The following DRC8 variants were observed in gnomAD, a reference collection of about 807,000 sequenced individuals.
DRC8 encodes the protein dynein regulatory complex subunit 8, also known as dynein regulatory complex protein 8.
At chr1:245,020,861 C>T in the DRC8 span, among the ~76,000 whole-genome samples, 1 of 151,520 alleles carries the variant, frequency 6.6e-6, no homozygotes, top group East Asian at 1.9e-4. Context: ...AACTCCTGGC[C>T]TCAGGTGATC....
the DRC8 span, among the ~76,000 whole-genome samples, chr1:244,999,486 C>T: frequency 9.9e-5 from 15 of 152,258 alleles, no homozygotes; most frequent in African/African-American, 3.6e-4. Context: ...CTCCAGGACC[C>T]CTCATCATTA....
the DRC8 span, among the ~76,000 whole-genome samples, chr1:245,042,540 G>A: frequency 8.7e-4 from 132 of 152,310 alleles, no homozygotes; most frequent in Middle Eastern, 3.4e-3. Flanking sequence ...CCGTAAGGGC[G>A]AGGTCTTTAT....
At chr1:245,099,032 G>A in the DRC8 span, among the ~76,000 whole-genome samples, 8 of 152,062 alleles carry the variant, frequency 5.3e-5, no homozygotes, top group Non-Finnish European at 8.8e-5. Context: ...CAGAAACACC[G>A]TTTCATTTTT....
the DRC8 span, among the ~76,000 whole-genome samples, chr1:244,986,781 T>G: frequency 8.7e-5 from 13 of 149,302 alleles, no homozygotes; most frequent in Non-Finnish European, 5.9e-5. Flanking sequence ...GCTTGCACTG[T>G]GGAAGGGTGG....
the DRC8 span, among the ~76,000 whole-genome samples, chr1:244,989,781 T>G: frequency 2.0e-5 from 3 of 152,184 alleles, no homozygotes; most frequent in Non-Finnish European, 4.4e-5. Flanking sequence ...AACAGAAGAT[T>G]TGTATCTTTT....
the DRC8 span, among the ~76,000 whole-genome samples, chr1:245,073,222 G>T: frequency 1.3e-5 from 2 of 152,098 alleles, no homozygotes; most frequent in African/African-American, 4.8e-5. Context: ...TGTAACCTCT[G>T]CCTCCCAGGT....
At chr1:245,057,095 G>A in the DRC8 span, among the ~76,000 whole-genome samples, 1,038 of 152,282 alleles carry the variant, frequency 6.8e-3, 10 homozygotes, top group African/African-American at 0.024. Context: ...GTTACAGCTC[G>A]AAGTTGGCCT....
the DRC8 span, among the ~76,000 whole-genome samples, chr1:245,100,670 A>G: frequency 6.6e-6 from 1 of 151,278 alleles, no homozygotes; most frequent in African/African-American, 2.4e-5. Context: ...AGTCCCAGCT[A>G]CTCAGGGGGC....
the DRC8 span, among the ~76,000 whole-genome samples, chr1:245,019,761 G>A: frequency 6.6e-6 from 1 of 152,010 alleles, no homozygotes; most frequent in Admixed American, 6.6e-5. Flanking sequence ...TGGCCAACAT[G>A]GTGAAACCTC....
chr1:245,069,376 G>A, the DRC8 span, among the ~76,000 whole-genome samples: 10 of 152,242 alleles, frequency 6.6e-5, no homozygotes, highest in Non-Finnish European at 1.2e-4. Flanking sequence ...CATCATAAAG[G>A]TCTCGTCCTC....
the DRC8 span, among the ~76,000 whole-genome samples, chr1:245,034,548 C>T: frequency 3.3e-3 from 452 of 136,826 alleles, 2 homozygotes; most frequent in African/African-American, 0.012. Context: ...TTGCAGTGAG[C>T]CATCATTGTG....
At chr1:245,057,215 A>G in the DRC8 span, among the ~76,000 whole-genome samples, 129 of 152,318 alleles carry the variant, frequency 8.5e-4, no homozygotes, top group Admixed American at 2.0e-3. Flanking sequence ...TTCACTATAT[A>G]TGCGGAAACC....
the DRC8 span, among the ~76,000 whole-genome samples, chr1:245,073,711 A>G: frequency 6.6e-6 from 1 of 152,216 alleles, no homozygotes; most frequent in Non-Finnish European, 1.5e-5. Context: ...ATACATGTAT[A>G]TATAATACAT....
chr1:245,067,383 GTT>G, the DRC8 span, among the ~76,000 whole-genome samples: 1 of 151,986 alleles, frequency 6.6e-6, no homozygotes, highest in Non-Finnish European at 1.5e-5. Flanking sequence ...AAATGTTACA[GTT>G]TTTTTTATAT....
chr1:245,058,062 C>G, the DRC8 span, among the ~76,000 whole-genome samples: 1 of 151,996 alleles, frequency 6.6e-6, no homozygotes, highest in Non-Finnish European at 1.5e-5. Context: ...CTTCAAAACT[C>G]TTGCCTGCAA....
chr1:245,125,021 G>A, the DRC8 span: 2 of 152,146 alleles, frequency 1.3e-5, no homozygotes, highest in Non-Finnish European at 2.9e-5. Flanking sequence ...TGGACCCATC[G>A]TGGTTACCGT....
chr1:245,063,972 C>G, the DRC8 span, among the ~76,000 whole-genome samples: 1 of 152,168 alleles, frequency 6.6e-6, no homozygotes, highest in African/African-American at 2.4e-5. Context: ...ATCCGCCCTC[C>G]TCGGCCTCCC....
At chr1:245,053,599 G>A in the DRC8 span, among the ~76,000 whole-genome samples, 1 of 152,236 alleles carries the variant, frequency 6.6e-6, no homozygotes, top group Non-Finnish European at 1.5e-5. Flanking sequence ...GGAAGCCGTG[G>A]TATTGTTCTT....
At chr1:245,056,172 C>T in the DRC8 span, among the ~76,000 whole-genome samples, 1 of 152,254 alleles carries the variant, frequency 6.6e-6, no homozygotes, top group Non-Finnish European at 1.5e-5. Flanking sequence ...TCTCCACCCT[C>T]CAGTTAATGT....
Sources: allele counts gnomAD v4.1 joint callset (sites outside exome capture counted in the v4.1 genomes callset), GRCh38; gene constraint gnomAD v4.1.1; transcripts MANE v1.5; gene names NCBI Gene and HGNC (gene_info 2026-07-23, HGNC 2026-07-21).